The following CXCR5 variants were observed in gnomAD, a reference collection of about 807,000 sequenced individuals.
CXCR5 encodes the protein C-X-C motif chemokine receptor 5, also known as C-X-C chemokine receptor type 5.
CXCR5 carries 3 observed loss-of-function variants against 5.6 expected under a neutral mutation model. That is an observed-to-expected ratio of 0.54 (90% CI 0.24 to 1.39). The LOEUF is 1.39. Among genes scored for constraint, CXCR5 ranks in the 40% most tolerant of loss-of-function variants. CXCR5 has a pLI of 0.16. For synonymous variants in CXCR5, 218 were observed against 219.9 expected (o/e 0.99, Z 0.08); for missense variants, 333 against 494.6 (o/e 0.67, Z 3.10).
chr11:118,889,261 G>C (rs914768480), intron 1 of CXCR5, among the ~76,000 whole-genome samples: 1 of 152,216 alleles, frequency 6.6e-6, no homozygotes, highest in Non-Finnish European at 1.5e-5. Context: ...CCTGGCCCAT[G>C]ACCAGGCTGT....
intron 1 of CXCR5, 43 bp downstream of exon 1, chr11:118,884,035 G>A (rs1166490474): frequency 1.9e-6 from 3 of 1,593,214 alleles, no homozygotes; most frequent in African/African-American, 1.3e-5. Context: ...GGCCCTGTCT[G>A]GAATTCTAAC....
chr11:118,893,757 G>A lies in CXCR5; in HGVS notation c.213G>A (p.Leu71=), dbSNP rs1449361622. The A allele has an allele frequency of 1.9e-6, 3 of 1,614,206 alleles. No individual in the cohort carries two copies. The highest frequency in any genetic ancestry group is 8.5e-7 in the Non-Finnish European group (1 of 1,180,034). Reference sequence around the variant, plus strand: ...TCCTGGGCGTGATCGGCAACGTCCTGGTGCTGGTGATCCTGGAGCGGCACC... The same window carrying A: ...TCCTGGGCGTGATCGGCAACGTCCTAGTGCTGGTGATCCTGGAGCGGCACC... ...IFLLGVIGNV[L]VLVILERHRQ... The change falls in exon 2 of 2, where the codon CTG becomes CTA. Residue 71 remains leucine (L), a synonymous_variant. Transcript: ENST00000292174. The surrounding 1 kb of genome is among the most constrained non-coding windows in gnomAD (Gnocchi z 5.7).
rs1236997078 is a variant in CXCR5, at chr11:118,895,854, G to A, written c.*1191G>A. ...CTGCTCCGTGCTTGTTTGCTCACCT[G>A]GGGTGTGGGAGGCCCGTCCGGCAGT... is the stretch of plus-strand genomic sequence containing the variant. On this transcript the variant is annotated 3_prime_UTR_variant, in exon 2 of 2. Coordinates refer to ENST00000292174, the MANE Select transcript of CXCR5 (RefSeq NM_001716.5). This position sits in a 1 kb window ranked among gnomAD's most constrained non-coding sequence, Gnocchi z 4.2. 6.0e-6 allele frequency: 1 copy of A among 167,152 alleles called. No individual in the cohort carries two copies. Among genetic ancestry groups the A allele is most frequent in the Non-Finnish European group, 1.5e-5 (1 of 68,168 alleles). 10.4% of individuals were successfully genotyped at this position (167,152 alleles called of 1,614,324 possible).
chr11:118,884,346 G>A (rs1408886246), intron 1 of CXCR5, among the ~76,000 whole-genome samples: 1 of 152,156 alleles, frequency 6.6e-6, no homozygotes, highest in Non-Finnish European at 1.5e-5. Context: ...AGACAGGAAA[G>A]TACTTTGGAG....
At chr11:118,891,591 AG>A (rs1159528314) in intron 1 of CXCR5, among the ~76,000 whole-genome samples, 1 of 152,106 alleles carries the variant, frequency 6.6e-6, no homozygotes, top group Non-Finnish European at 1.5e-5. Flanking sequence ...AATTGAGGCC[AG>A]GTATGGTAGC....
intron 1 of CXCR5, chr11:118,887,487 CT>C (rs1939732581): frequency 9.5e-6 from 9 of 950,978 alleles, no homozygotes; most frequent in Non-Finnish European, 1.1e-5. Flanking sequence ...AACTCTCCCC[CT>C]AACACCACAT....
At position 118,895,687 on chromosome 11, in the gene CXCR5, G is replaced by A. The variant is rs1436110429; in HGVS notation, c.*1024G>A. On this transcript the variant is annotated 3_prime_UTR_variant, in exon 2 of 2. Coordinates refer to ENST00000292174, the MANE Select transcript of CXCR5 (RefSeq NM_001716.5). The surrounding 1 kb of genome is among the most constrained non-coding windows in gnomAD (Gnocchi z 4.2). ...GAAAGGTGGACTGGAAGGGGCCCGT[G>A]GGAGTCATCTCAACCATCCCCTCCG... is the stretch of plus-strand genomic sequence containing the variant. The A allele has an allele frequency of 1.8e-5, 3 of 167,334 alleles. No individual in the cohort carries two copies. The highest frequency in any genetic ancestry group is 4.4e-5 in the Non-Finnish European group (3 of 68,342). 10.4% of individuals were successfully genotyped at this position (167,334 alleles called of 1,614,324 possible).
In CXCR5 at chr11:118,896,087, C is replaced by A. The variant is rs998599613; in HGVS notation, c.*1424C>A. ...TTTTCTCTGAGTATCTCCTCGCAAG[C>A]TGGGTAATCGATGGGGGAGTCTGAA... On this transcript the variant is annotated 3_prime_UTR_variant, in exon 2 of 2. Transcript: ENST00000292174. 3 of 166,960 alleles carry A rather than the reference C, an allele frequency of 1.8e-5. No homozygotes were observed. Among genetic ancestry groups the A allele is most frequent in the Non-Finnish European group, 4.4e-5 (3 of 68,104 alleles). The allele number at this position is 166,960 out of a possible 1,614,324, so 10.3% of individuals were successfully genotyped here.
rs1369325273 is a variant in CXCR5 at position 118,893,064 on chromosome 11, G to A, written c.52-532G>A. 2.0e-5 allele frequency among the ~76,000 whole-genome samples: 3 copies of A among 152,172 alleles called. No homozygotes were observed. Among genetic ancestry groups the A allele is most frequent in the Admixed American group, 6.5e-5 (1 of 15,278 alleles). On this transcript the variant is annotated intron_variant, in intron 1 of 1. Coordinates refer to ENST00000292174, the MANE Select transcript of CXCR5 (RefSeq NM_001716.5). This position sits in a 1 kb window ranked among gnomAD's most constrained non-coding sequence, Gnocchi z 5.7. The stretch of plus-strand genomic sequence containing the variant: ...GTTGTGCATATTGAACCAGATGGGA[G>A]GCTATTACTGCCATTTCAGTGATAA...
chr11:118,890,169 C>T (rs759764635), intron 1 of CXCR5, among the ~76,000 whole-genome samples: 1 of 152,190 alleles, frequency 6.6e-6, no homozygotes, highest in African/African-American at 2.4e-5. Context: ...TCAAGGCCAT[C>T]AAGGTTATTG....
rs192056720 is a variant in CXCR5, at chr11:118,888,723, G to A, written c.51+4731G>A. On this transcript the variant is annotated intron_variant, in intron 1 of 1. Coordinates refer to ENST00000292174, the MANE Select transcript of CXCR5 (RefSeq NM_001716.5). ...ATGTTTTAAACCTGAGTCCTGGCTT[G>A]TATATTTTTCCCCATGCAATTTCAT... 2.6e-5 allele frequency among the ~76,000 whole-genome samples: 4 copies of A among 152,332 alleles called. No individual in the cohort carries two copies. In the East Asian group the frequency reaches 5.8e-4, roughly 22 times the overall value.
At chr11:118,889,449 C>T (rs185731148) in intron 1 of CXCR5, among the ~76,000 whole-genome samples, 4 of 152,374 alleles carry the variant, frequency 2.6e-5, no homozygotes, top group Admixed American at 2.6e-4. Context: ...CCTGTGCTCC[C>T]TCTGGGCATG....
rs1160960287 is a variant in CXCR5 at position 118,895,518 on chromosome 11, A to G, written c.*855A>G. On this transcript the variant is annotated 3_prime_UTR_variant, in exon 2 of 2. Coordinates refer to ENST00000292174, the MANE Select transcript of CXCR5 (RefSeq NM_001716.5). The surrounding 1 kb of genome is among the most constrained non-coding windows in gnomAD (Gnocchi z 4.2). ...CCGGCGGTCCCCTCCGCCAGGCGAG[A>G]TGGGGTGGGGTGGAGAACTCCTAGG... 6.0e-6 allele frequency: 1 copy of G among 166,952 alleles called. No homozygotes were observed. The highest frequency in any genetic ancestry group is 1.9e-4 in the East Asian group (1 of 5,184). 10.3% of individuals were successfully genotyped at this position (166,952 alleles called of 1,614,324 possible).
In CXCR5 at chr11:118,894,296, G is replaced by A. The variant is rs758630504; in HGVS notation, c.752G>A (p.Arg251His). The change falls in exon 2 of 2, where the codon CGC (arginine) becomes CAC (histidine). Residue 251 changes from arginine (R) to histidine (H), a missense_variant. Physicochemically the swap from Arg to His is conservative, Grantham distance 29. Transcript: ENST00000292174. The surrounding 1 kb of genome is among the most constrained non-coding windows in gnomAD (Gnocchi z 6.1). ...VVHRLRQAQR[R>H]PQRQKAVRVA... ...CACAGGTTGCGCCAGGCCCAGCGGCGCCCTCAGCGGCAGAAGGCAGTCAGG... is the reference window on the plus strand; with the variant it reads ...CACAGGTTGCGCCAGGCCCAGCGGCACCCTCAGCGGCAGAAGGCAGTCAGG... 9 of 1,614,086 alleles carry A rather than the reference G, an allele frequency of 5.6e-6. No individual in the cohort carries two copies. The highest frequency in any genetic ancestry group is 2.2e-5 in the South Asian group (2 of 91,084).
At chr11:118,892,286 G>A (rs976937598) in intron 1 of CXCR5, among the ~76,000 whole-genome samples, 3 of 152,204 alleles carry the variant, frequency 2.0e-5, no homozygotes, top group Non-Finnish European at 4.4e-5. Context: ...AGGAGTGAGT[G>A]TGTGACCCAC....
intron 1 of CXCR5, among the ~76,000 whole-genome samples, chr11:118,888,981 G>A (rs1939765880): frequency 6.6e-6 from 1 of 152,184 alleles, no homozygotes; most frequent in Admixed American, 6.5e-5. Flanking sequence ...ATTTGGAGAA[G>A]TCAGGTGGGG....
chr11:118,886,063 T>G, intron 1 of CXCR5: 3 of 296,956 alleles, frequency 1.0e-5, no homozygotes, highest in South Asian at 8.5e-5. Flanking sequence ...CTTGGCAGAC[T>G]GTCCCTCAGT....
intron 1 of CXCR5, among the ~76,000 whole-genome samples, chr11:118,888,127 C>T (rs1383737727): frequency 1.3e-5 from 2 of 152,260 alleles, no homozygotes; most frequent in South Asian, 2.1e-4. Flanking sequence ...GGAGTGGGAG[C>T]GAGGGGCATT....
Position 118,893,663 on chromosome 11 carries a change from C to T in CXCR5, c.119C>T (p.Ala40Val). ...CTGGTGGAAAATCATCTCTGCCCTG[C>T]CACAGAGGGGCCCCTCATGGCCTCC... is the stretch of plus-strand genomic sequence containing the variant. ...TSLVENHLCP[A>V]TEGPLMASFK... The change falls in exon 2 of 2, where the codon GCC (alanine) becomes GTC (valine). Residue 40 changes from alanine (A) to valine (V), a missense_variant. Physicochemically the swap from Ala to Val is moderately conservative, Grantham distance 64. Transcript: ENST00000292174. This position sits in a 1 kb window ranked among gnomAD's most constrained non-coding sequence, Gnocchi z 5.7. 3 of 1,613,548 alleles carry T rather than the reference C, an allele frequency of 1.9e-6. No individual in the cohort carries two copies. The highest frequency in any genetic ancestry group is 2.5e-6 in the Non-Finnish European group (3 of 1,179,512).
Sources: allele counts gnomAD v4.1 joint callset (sites outside exome capture counted in the v4.1 genomes callset), GRCh38; gene constraint gnomAD v4.1.1; non-coding constraint Gnocchi (gnomAD v3.1); transcripts MANE v1.5; gene names NCBI Gene and HGNC (gene_info 2026-07-23, HGNC 2026-07-21).